Variants in POC1A observed in about 807,000 individuals in gnomAD.
POC1A encodes the protein POC1 centriolar protein homolog A.
POC1A carries 34 observed loss-of-function variants against 47.8 expected under a neutral mutation model. The observed-to-expected ratio is 0.71, with a 90% CI of 0.54 to 0.95. The LOEUF is 0.95. POC1A is among the 40% of genes least tolerant of loss of function. The probability of loss-of-function intolerance (pLI) is 0.00; values close to 1 mark genes in which losing one functional copy is unlikely to be tolerated. For synonymous variants in POC1A, 177 were observed against 207.6 expected (o/e 0.85, Z 1.27); for missense variants, 466 against 528.3 (o/e 0.88, Z 1.16).
intron 9 of POC1A, among the ~76,000 whole-genome samples, chr3:52,098,796 T>G (rs1702902103): frequency 6.6e-6 from 1 of 152,246 alleles, no homozygotes; most frequent in South Asian, 2.1e-4. Flanking sequence ...TTACTTGCCA[T>G]CCACTGTGTG....
At chr3:52,108,279 G>A (rs958656547) in intron 9 of POC1A, among the ~76,000 whole-genome samples, 2 of 152,168 alleles carry the variant, frequency 1.3e-5, no homozygotes, top group Admixed American at 1.3e-4. Flanking sequence ...TTTTTGAAAG[G>A]GAATGTGTTG....
At chr3:52,138,921 T>C (rs189361394) in intron 6 of POC1A, among the ~76,000 whole-genome samples, 268 of 152,170 alleles carry the variant, frequency 1.8e-3, no homozygotes, top group Admixed American at 0.015. Context: ...GCAGCCTCCG[T>C]CTCCTGGGTT....
intron 10 of POC1A, among the ~76,000 whole-genome samples, chr3:52,093,457 C>T (rs937314921): frequency 3.9e-5 from 6 of 152,172 alleles, no homozygotes; most frequent in Admixed American, 6.5e-5. Flanking sequence ...CATGCAGATC[C>T]CCCTGGCCCC....
intron 6 of POC1A, among the ~76,000 whole-genome samples, chr3:52,144,136 C>T (rs759915818): frequency 4.6e-5 from 7 of 152,234 alleles, no homozygotes; most frequent in Non-Finnish European, 8.8e-5. Flanking sequence ...AAAGGAACCA[C>T]AGCATGTGCT....
chr3:52,095,453 C>T (rs752674422), intron 10 of POC1A, among the ~76,000 whole-genome samples: 2 of 152,242 alleles, frequency 1.3e-5, no homozygotes, highest in Admixed American at 6.5e-5. Context: ...GCTCCATTTC[C>T]GTTAGTGACA....
At chr3:52,147,889 CA>C (rs1430538931) in intron 4 of POC1A, among the ~76,000 whole-genome samples, 1 of 151,876 alleles carries the variant, frequency 6.6e-6, no homozygotes, top group Non-Finnish European at 1.5e-5. Context: ...ATCCCAACAG[CA>C]AACTCTGACC....
chr3:52,101,605 AC>A (rs1703007990), intron 9 of POC1A, among the ~76,000 whole-genome samples: 1 of 152,212 alleles, frequency 6.6e-6, no homozygotes, highest in South Asian at 2.1e-4. Flanking sequence ...GAAATAAGAA[AC>A]CCAGTAACAG....
At chr3:52,077,368 C>T (rs1476691863) in intron 10 of POC1A, among the ~76,000 whole-genome samples, 1 of 152,256 alleles carries the variant, frequency 6.6e-6, no homozygotes, top group Non-Finnish European at 1.5e-5. Context: ...GGAGTCTCCC[C>T]CTTTAAGGCT....
chr3:52,103,097 T>G (rs1399530718), intron 9 of POC1A, among the ~76,000 whole-genome samples: 3 of 152,194 alleles, frequency 2.0e-5, no homozygotes, highest in African/African-American at 7.2e-5. Context: ...ACAAACAACT[T>G]AGTACAGACA....
chr3:52,130,805 G>A (rs866146081), intron 7 of POC1A, among the ~76,000 whole-genome samples: 1 of 152,080 alleles, frequency 6.6e-6, no homozygotes, highest in Non-Finnish European at 1.5e-5. Context: ...TCACACAGTC[G>A]CCTCCCCTGC....
intron 10 of POC1A, among the ~76,000 whole-genome samples, chr3:52,085,142 C>T (rs1487503989): frequency 6.6e-6 from 1 of 152,172 alleles, no homozygotes; most frequent in African/African-American, 2.4e-5. Flanking sequence ...CTGGCGGCCA[C>T]ACTGGGTTAG....
chr3:52,101,819 C>T (rs1703014154), intron 9 of POC1A, among the ~76,000 whole-genome samples: 1 of 152,122 alleles, frequency 6.6e-6, no homozygotes, highest in Non-Finnish European at 1.5e-5. Context: ...TACAAATTTG[C>T]TGGTAAAAAA....
chr3:52,090,821 A>G lies in POC1A; in HGVS notation c.1125+5748T>C, dbSNP rs564502192. On this transcript the variant is annotated intron_variant, in intron 10 of 10. Transcript: ENST00000296484. The surrounding 1 kb of genome is among the most constrained non-coding windows in gnomAD (Gnocchi z 4.2). The stretch of plus-strand genomic sequence containing the variant: ...GCCTAGCAGCCTCGGGGTCCGGCCT[A>G]GAGTCCTCCAGGGGTGCTCAGAATG... 2.8e-4 allele frequency among the ~76,000 whole-genome samples: 43 copies of G among 152,068 alleles called. No individual in the cohort carries two copies. Among genetic ancestry groups the G allele is most frequent in the Non-Finnish European group, 5.2e-4 (35 of 67,952 alleles).
At chr3:52,080,884 C>T (rs1175926430) in intron 10 of POC1A, among the ~76,000 whole-genome samples, 3 of 152,228 alleles carry the variant, frequency 2.0e-5, no homozygotes, top group Non-Finnish European at 2.9e-5. Context: ...GGATTGAGGA[C>T]CCTATGGCCT....
chr3:52,129,108 C>A (rs1176714526), intron 7 of POC1A, among the ~76,000 whole-genome samples: 1 of 151,978 alleles, frequency 6.6e-6, no homozygotes, highest in Non-Finnish European at 1.5e-5. Context: ...GGCGAAACCC[C>A]ATCTCTACTA....
chr3:52,122,520 C>T (rs1298892720), intron 8 of POC1A, 43 bp from the exon 9 acceptor site: 3 of 1,215,916 alleles, frequency 2.5e-6, no homozygotes, highest in South Asian at 2.4e-5. Context: ...GAAGAAAATC[C>T]CCTTGCCAGT....
chr3:52,083,138 G>A (rs761917584), intron 10 of POC1A, among the ~76,000 whole-genome samples: 3 of 152,116 alleles, frequency 2.0e-5, no homozygotes, highest in South Asian at 2.1e-4. Flanking sequence ...ATGGGGACTC[G>A]GGCATCTGGG....
intron 9 of POC1A, among the ~76,000 whole-genome samples, chr3:52,112,179 G>A (rs755178768): frequency 2.0e-5 from 3 of 152,110 alleles, no homozygotes; most frequent in Non-Finnish European, 4.4e-5. Context: ...TTTGAGACAG[G>A]GTCTCACGCT....
At chr3:52,094,090 G>A (rs1472032621) in intron 10 of POC1A, among the ~76,000 whole-genome samples, 1 of 152,214 alleles carries the variant, frequency 6.6e-6, no homozygotes, top group Non-Finnish European at 1.5e-5. Context: ...TCCCTGTGGG[G>A]GAGGGAAGGG....
Sources: gnomAD v4.1 joint callset for allele counts (sites outside exome capture counted in the v4.1 genomes callset) on GRCh38, gnomAD v4.1.1 for gene constraint, Gnocchi (gnomAD v3.1) non-coding constraint, MANE v1.5 for transcripts, NCBI Gene and HGNC (gene_info 2026-07-23, HGNC 2026-07-21) for gene names.